Variants in FMN1 observed in about 807,000 individuals in gnomAD.
FMN1 encodes the protein formin 1, also known as formin-1.
A neutral mutation model predicts 132.4 loss-of-function variants in FMN1; 110 were observed. That is an observed-to-expected ratio of 0.83 (90% CI 0.71 to 0.97). FMN1 has a LOEUF of 0.97. FMN1 is among the 50% of genes least tolerant of loss of function. FMN1 has a pLI of 0.00. For missense variants in FMN1, 1,792 were observed against 1,705.3 expected (o/e 1.05, Z -0.90); for synonymous variants, 722 against 651.7 (o/e 1.11, Z -1.64).
intron 8 of FMN1, among the ~76,000 whole-genome samples, chr15:32,966,979 AG>A (rs753028720): frequency 6.6e-6 from 1 of 152,238 alleles, no homozygotes; most frequent in Non-Finnish European, 1.5e-5. Flanking sequence ...ACCACCAGGA[AG>A]TGCCCGTGTT....
chr15:32,798,216 A>ACACACCCCC (rs1286307994), intron 19 of FMN1, among the ~76,000 whole-genome samples: 43 of 140,984 alleles, frequency 3.0e-4, no homozygotes, highest in African/African-American at 9.3e-4. Flanking sequence ...ACACACACAC[A>ACACACCCCC]CCCCGTCTAT....
rs1449231057 is a variant in FMN1, at chr15:33,154,666, A to C, written c.249T>G (p.Ile83Met). The change falls in exon 4 of 21, where the codon ATT becomes ATG. Residue 83 changes from isoleucine (I) to methionine (M), a missense_variant. Ile to Met is a conservative substitution (Grantham distance 10). Transcript: ENST00000616417. ...IFFKQTPTKD[I>M]LTELYKLTTE... is the part of the protein sequence containing the mutation. ...TTGTGAGTTTGTACAGCTCAGTTAGAATGTCTTTCGTGGGAGTCTGCTTGA... is the reference window on the plus strand; with the variant it reads ...TTGTGAGTTTGTACAGCTCAGTTAGCATGTCTTTCGTGGGAGTCTGCTTGA... The C allele has an allele frequency of 2.0e-6, 3 of 1,536,028 alleles. No individual in the cohort carries two copies. The South Asian group carries it at 3.6e-5, about 18-fold the overall frequency.
chr15:33,187,130 G>A (rs1965915385), intron 2 of FMN1, among the ~76,000 whole-genome samples: 2 of 152,156 alleles, frequency 1.3e-5, no homozygotes, highest in South Asian at 4.1e-4. Context: ...TCTAAAAAAA[G>A]TAATATTCAG....
intron 3 of FMN1, among the ~76,000 whole-genome samples, chr15:33,168,919 G>A (rs888051404): frequency 6.6e-6 from 1 of 152,240 alleles, no homozygotes; most frequent in Non-Finnish European, 1.5e-5. Context: ...AAAAAGTGGT[G>A]CCGCCTTGGG....
intron 4 of FMN1, among the ~76,000 whole-genome samples, chr15:33,116,384 C>T (rs4780080): frequency 0.32 from 47,966 of 152,014 alleles, 9,347 homozygotes; most frequent in South Asian, 0.42. Flanking sequence ...CTGTTCAAAC[C>T]GTGTTCAAAT....
chr15:32,984,636 A>G (rs141536389), intron 7 of FMN1, among the ~76,000 whole-genome samples: 19 of 152,352 alleles, frequency 1.2e-4, no homozygotes, highest in Non-Finnish European at 2.4e-4. Context: ...TACATTATCA[A>G]TCAGAAGCTA....
At chr15:33,136,919 C>G (rs1353428674) in intron 4 of FMN1, among the ~76,000 whole-genome samples, 1 of 151,784 alleles carries the variant, frequency 6.6e-6, no homozygotes, top group Non-Finnish European at 1.5e-5. Flanking sequence ...GAAACCCTGT[C>G]TCTACTAAAA....
chr15:32,876,090 CTT>C (rs2059630159), intron 16 of FMN1, among the ~76,000 whole-genome samples: 1 of 152,176 alleles, frequency 6.6e-6, no homozygotes, highest in African/African-American at 2.4e-5. Context: ...ATCAAGGATA[CTT>C]TGTTAATGAA....
chr15:33,116,779 T>C (rs961704925), intron 4 of FMN1, among the ~76,000 whole-genome samples: 1 of 151,812 alleles, frequency 6.6e-6, no homozygotes, highest in African/African-American at 2.4e-5. Context: ...TGAGAAATAG[T>C]CGACAAAGTA....
At chr15:32,938,931 A>C (rs903984176) in intron 9 of FMN1, among the ~76,000 whole-genome samples, 1 of 152,224 alleles carries the variant, frequency 6.6e-6, no homozygotes, top group Non-Finnish European at 1.5e-5. Flanking sequence ...CACTTAAATA[A>C]GGGCTTAGCT....
chr15:32,893,212 T>C (rs771292489), intron 15 of FMN1, among the ~76,000 whole-genome samples: 2 of 152,214 alleles, frequency 1.3e-5, no homozygotes, highest in African/African-American at 2.4e-5. Flanking sequence ...TTTTACTACT[T>C]TAAAATGGAA....
chr15:33,023,078 G>GAAAAAAAAAAA (rs3081422), intron 6 of FMN1, among the ~76,000 whole-genome samples: 1 of 116,066 alleles, frequency 8.6e-6, no homozygotes, highest in African/African-American at 3.4e-5. Context: ...AAAAAAAAAA[G>GAAAAAAAAAAA]AAAAAAAAGA....
chr15:33,072,577 C>G (rs1392933505), intron 5 of FMN1, among the ~76,000 whole-genome samples: 1 of 152,204 alleles, frequency 6.6e-6, no homozygotes, highest in Non-Finnish European at 1.5e-5. Context: ...TCACTGTCCT[C>G]TCAGCTGTAC....
intron 4 of FMN1, among the ~76,000 whole-genome samples, chr15:33,125,025 G>A (rs901251539): frequency 6.6e-6 from 1 of 151,964 alleles, no homozygotes; most frequent in African/African-American, 2.4e-5. Flanking sequence ...TCGCATCCAT[G>A]TCTACTCTAT....
At chr15:32,974,642 T>C (rs890164922) in intron 7 of FMN1, among the ~76,000 whole-genome samples, 4 of 152,226 alleles carry the variant, frequency 2.6e-5, no homozygotes, top group African/African-American at 9.7e-5. Context: ...TCTGAGATGA[T>C]GCCTTTGCAC....
At chr15:33,188,357 A>C (rs59620346) in intron 2 of FMN1, among the ~76,000 whole-genome samples, 3,113 of 152,278 alleles carry the variant, frequency 0.02, 38 homozygotes, top group East Asian at 0.059. Context: ...AAGTCGAGTT[A>C]GCATTTTTTT....
At chr15:33,143,731 T>C (rs1174390131) in intron 4 of FMN1, among the ~76,000 whole-genome samples, 1 of 152,142 alleles carries the variant, frequency 6.6e-6, no homozygotes, top group African/African-American at 2.4e-5. Context: ...TCACTGTAAG[T>C]TGGAAGGTTG....
At chr15:33,161,449 C>T (rs2140300928) in intron 3 of FMN1, among the ~76,000 whole-genome samples, 1 of 152,258 alleles carries the variant, frequency 6.6e-6, no homozygotes, top group South Asian at 2.1e-4. Flanking sequence ...GGGTAGTTCT[C>T]CTCCAGCTGC....
At chr15:33,151,201 T>C (rs774325544) in intron 4 of FMN1, 17 of 1,525,254 alleles carry the variant, frequency 1.1e-5, no homozygotes, top group Non-Finnish European at 1.3e-5. Context: ...AGGTAATGGC[T>C]GGAGGCCCTA....
Sources: allele counts gnomAD v4.1 joint callset (sites outside exome capture counted in the v4.1 genomes callset), GRCh38; gene constraint gnomAD v4.1.1; transcripts MANE v1.5; gene names NCBI Gene and HGNC (gene_info 2026-07-23, HGNC 2026-07-21).